The following NR3C2 variants were observed in gnomAD, a reference collection of about 807,000 sequenced individuals.
NR3C2 encodes the protein nuclear receptor subfamily 3 group C member 2, also known as mineralocorticoid receptor.
In NR3C2, 15 loss-of-function variants were observed where a neutral mutation model predicts 86.4. The observed-to-expected ratio is 0.17, with a 90% CI of 0.12 to 0.27. The LOEUF (loss-of-function observed/expected upper bound fraction) is 0.27, where lower values mean the gene tolerates loss of function less well. NR3C2 is among the 10% of genes least tolerant of loss of function. The pLI, the probability that NR3C2 is intolerant of heterozygous loss-of-function variation, is 1.00. For missense variants in NR3C2, 960 were observed against 1,195.6 expected (o/e 0.80, Z 2.91); for synonymous variants, 458 against 450.5 (o/e 1.02, Z -0.21).
chr4:148,239,914 C>T (rs1024584129), intron 3 of NR3C2, among the ~76,000 whole-genome samples: 2 of 151,926 alleles, frequency 1.3e-5, no homozygotes, highest in Non-Finnish European at 2.9e-5. Flanking sequence ...GTCTGGTTTT[C>T]TCCCCTCCTC....
At position 148,366,436 on chromosome 4, in the gene NR3C2, T is replaced by TTTTTAAAAGTACTTTTAAAAAAGAATAC. The variant is rs1746117237; in HGVS notation, c.1757+68667_1757+68668insGTATTCTTTTTTAAAAGTACTTTTAAAA. ...AAATTCACTCCTTGAAAAAGAATAC[T>TTTTTAAAAGTACTTTTAAAAAAGAATAC]TTTTTAAAAGTACTTTTAAAAAAGA... On this transcript the variant is annotated intron_variant, in intron 2 of 8. Coordinates refer to ENST00000358102, the MANE Select transcript of NR3C2 (RefSeq NM_000901.5). Among the ~76,000 whole-genome samples, 307 of 86,816 alleles carry TTTTTAAAAGTACTTTTAAAAAAGAATAC rather than the reference T, an allele frequency of 3.5e-3. 58 individuals are homozygous for TTTTTAAAAGTACTTTTAAAAAAGAATAC. Among genetic ancestry groups the TTTTTAAAAGTACTTTTAAAAAAGAATAC allele is most frequent in the African/African-American group, 0.011 (298 of 28,236 alleles). The allele number at this position is 86,816 out of a possible 152,430, so 57.0% of individuals were successfully genotyped here.
chr4:148,257,664 A>C (rs1447016416), intron 3 of NR3C2, among the ~76,000 whole-genome samples: 12 of 152,086 alleles, frequency 7.9e-5, no homozygotes, highest in Admixed American at 7.9e-4. Context: ...ATTAATTAAA[A>C]AATATTTTAT....
At chr4:148,336,103 G>A (rs1420882168) in intron 2 of NR3C2, among the ~76,000 whole-genome samples, 3 of 152,076 alleles carry the variant, frequency 2.0e-5, no homozygotes, top group Non-Finnish European at 4.4e-5. Context: ...AGAGAGAGCC[G>A]TCCCTCACAG....
intron 8 of NR3C2, among the ~76,000 whole-genome samples, chr4:148,088,914 T>A (rs1054181260): frequency 6.6e-6 from 1 of 151,206 alleles, no homozygotes; most frequent in South Asian, 2.1e-4. Flanking sequence ...CAGAAAAAAA[T>A]TCACTCTAAT....
chr4:148,231,600 G>T (rs371052354), intron 3 of NR3C2, among the ~76,000 whole-genome samples: 4 of 152,166 alleles, frequency 2.6e-5, no homozygotes, highest in Non-Finnish European at 5.9e-5. Context: ...GTCTTGCCTC[G>T]ATGTTGATGG....
chr4:148,433,734 C>T lies in NR3C2; in HGVS notation c.1757+1370G>A, dbSNP rs535057007. 2.0e-5 allele frequency among the ~76,000 whole-genome samples: 3 copies of T among 152,248 alleles called. No individual in the cohort carries two copies. The South Asian group carries it at 6.2e-4, about 32-fold the overall frequency. On this transcript the variant is annotated intron_variant, in intron 2 of 8. Transcript: ENST00000358102. ...CTACCTCATACCAGCTCACTAAAAA[C>T]ATCATTTACAAAAATATTCACAACA...
intron 4 of NR3C2, among the ~76,000 whole-genome samples, chr4:148,169,554 T>C (rs545690754): frequency 6.6e-6 from 1 of 151,776 alleles, no homozygotes; most frequent in Admixed American, 6.6e-5. Context: ...ATTCATCTCT[T>C]TATCCTCAAC....
chr4:148,196,808 C>T (rs1736462140), intron 3 of NR3C2, among the ~76,000 whole-genome samples: 1 of 152,094 alleles, frequency 6.6e-6, no homozygotes, highest in Non-Finnish European at 1.5e-5. Flanking sequence ...ATGGAAGGCT[C>T]TTAATGAATA....
At chr4:148,084,959 C>T (rs947877173) in intron 8 of NR3C2, among the ~76,000 whole-genome samples, 6 of 152,002 alleles carry the variant, frequency 3.9e-5, no homozygotes, top group Non-Finnish European at 8.8e-5. Context: ...GCTAACTATC[C>T]TAAATATATA....
At chr4:148,317,419 C>A (rs1743254044) in intron 2 of NR3C2, among the ~76,000 whole-genome samples, 1 of 151,504 alleles carries the variant, frequency 6.6e-6, no homozygotes, top group East Asian at 1.9e-4. Flanking sequence ...AATTTTTTAG[C>A]TATAAAAATT....
intron 8 of NR3C2, among the ~76,000 whole-genome samples, chr4:148,094,695 A>C (rs1731200202): frequency 6.6e-6 from 1 of 151,608 alleles, no homozygotes. Context: ...AGCCTGGGCA[A>C]CAAGAGCAAA....
At chr4:148,252,438 T>C (rs1228995580) in intron 3 of NR3C2, among the ~76,000 whole-genome samples, 1 of 152,204 alleles carries the variant, frequency 6.6e-6, no homozygotes, top group African/African-American at 2.4e-5. Flanking sequence ...ACTCAGTAGC[T>C]ATTCTTATAG....
intron 8 of NR3C2, among the ~76,000 whole-genome samples, chr4:148,084,556 A>G (rs1294677659): frequency 6.6e-6 from 1 of 152,254 alleles, no homozygotes; most frequent in Admixed American, 6.5e-5. Flanking sequence ...CAGCCACTGC[A>G]AAAACATACC....
At chr4:148,441,788 A>G (rs1029823108) in intron 1 of NR3C2, among the ~76,000 whole-genome samples, 1 of 152,238 alleles carries the variant, frequency 6.6e-6, no homozygotes, top group African/African-American at 2.4e-5. Context: ...CCTCCGGCTG[A>G]GATTTGGGAG....
At chr4:148,265,943 G>C (rs568480797) in intron 2 of NR3C2, among the ~76,000 whole-genome samples, 213 of 152,192 alleles carry the variant, frequency 1.4e-3, no homozygotes, top group African/African-American at 4.8e-3. Flanking sequence ...ATGGCGAATA[G>C]AGAGACAATA....
chr4:148,129,492 G>T (rs769314067), intron 6 of NR3C2, among the ~76,000 whole-genome samples: 1 of 152,126 alleles, frequency 6.6e-6, no homozygotes, highest in Non-Finnish European at 1.5e-5. Flanking sequence ...GGGTTAGAAG[G>T]CAAATTTTGT....
At chr4:148,401,461 C>CTTTTTTTT (rs397881130) in intron 2 of NR3C2, among the ~76,000 whole-genome samples, 1 of 116,908 alleles carries the variant, frequency 8.6e-6, no homozygotes, top group African/African-American at 3.2e-5. Context: ...AAAGTTGTCT[C>CTTTTTTTT]TTTTTTTTTT....
chr4:148,159,076 T>G (rs1734537801), intron 4 of NR3C2, among the ~76,000 whole-genome samples: 1 of 152,208 alleles, frequency 6.6e-6, no homozygotes, highest in African/African-American at 2.4e-5. Context: ...TCTAAAATGC[T>G]TGAATATTTT....
chr4:148,297,572 C>T (rs965907589), intron 2 of NR3C2, among the ~76,000 whole-genome samples: 2 of 152,162 alleles, frequency 1.3e-5, no homozygotes, highest in South Asian at 4.1e-4. Flanking sequence ...CCAGCCTGAC[C>T]AACATGGTGA....
Sources: gnomAD v4.1 joint callset for allele counts (sites outside exome capture counted in the v4.1 genomes callset) on GRCh38, gnomAD v4.1.1 for gene constraint, MANE v1.5 for transcripts, NCBI Gene and HGNC (gene_info 2026-07-23, HGNC 2026-07-21) for gene names.